POM121C: variants seen among roughly 807,000 people sequenced by gnomAD.
POM121C encodes the protein nuclear envelope pore membrane protein POM 121C.
POM121C carries 20 observed loss-of-function variants against 66.4 expected under a neutral mutation model. That is an observed-to-expected ratio of 0.30 (90% CI 0.21 to 0.44). POM121C has a LOEUF of 0.44. POM121C is among the 20% of genes least tolerant of loss of function. The pLI, the probability that POM121C is intolerant of heterozygous loss-of-function variation, is 1.00. For synonymous variants in POM121C, 286 were observed against 528.0 expected (o/e 0.54, Z 6.28); for missense variants, 580 against 1,225.7 (o/e 0.47, Z 7.87).
At chr7:75,430,373 A>G (rs1430702095) in intron 7 of POM121C, among the ~76,000 whole-genome samples, 2 of 152,214 alleles carry the variant, frequency 1.3e-5, no homozygotes, top group Non-Finnish European at 2.9e-5. Flanking sequence ...ACGGACACTT[A>G]AATTAGACAA....
At chr7:75,461,410 C>A (rs1306982308) in intron 3 of POM121C, among the ~76,000 whole-genome samples, 2 of 152,092 alleles carry the variant, frequency 1.3e-5, no homozygotes, top group African/African-American at 4.8e-5. Flanking sequence ...TTACCAGAAC[C>A]TGGGTCATAA....
chr7:75,469,420 C>T (rs1161481177), intron 3 of POM121C, among the ~76,000 whole-genome samples: 2 of 152,110 alleles, frequency 1.3e-5, no homozygotes, highest in African/African-American at 4.8e-5. Flanking sequence ...AAAATACATC[C>T]TGCATGTGAC....
chr7:75,483,289 CCA>C (rs1299884455), intron 1 of POM121C, among the ~76,000 whole-genome samples: 1 of 152,118 alleles, frequency 6.6e-6, no homozygotes, highest in African/African-American at 2.4e-5. Flanking sequence ...AGAAATTTTT[CCA>C]AGTCCCAGAA....
chr7:75,465,667 C>T (rs587627185), intron 3 of POM121C, among the ~76,000 whole-genome samples: 2 of 150,204 alleles, frequency 1.3e-5, no homozygotes, highest in African/African-American at 2.4e-5. Flanking sequence ...GCAGGAGAGT[C>T]GCTTGTACCT....
At chr7:75,474,596 G>T (rs1235729089) in intron 3 of POM121C, 108 bp downstream of exon 3, 6 of 482,716 alleles carry the variant, frequency 1.2e-5, no homozygotes, top group Non-Finnish European at 1.9e-5. Flanking sequence ...TGATATTTGG[G>T]GGTTGGGAGG....
At chr7:75,458,551 A>C (rs1386301499) in intron 3 of POM121C, among the ~76,000 whole-genome samples, 2 of 152,138 alleles carry the variant, frequency 1.3e-5, no homozygotes, top group Admixed American at 1.3e-4. Flanking sequence ...AAACAAAAAC[A>C]AATTGGCCTC....
rs587630891 is a variant in POM121C, at chr7:75,475,822, A to G, written c.-457-634T>C. On this transcript the variant is annotated intron_variant, in intron 1 of 14. Coordinates refer to ENST00000615331, the MANE Select transcript of POM121C (RefSeq NM_001099415.3). ...AGACAAGGTGCAGAATGATTTAACA[A>G]AAGAGGATCAAATTATTTTAACTTT... Among the ~76,000 whole-genome samples the G allele has an allele frequency of 5.3e-5, 8 of 152,254 alleles. No homozygotes were observed. The South Asian group carries it at 1.5e-3, about 28-fold the overall frequency.
intron 3 of POM121C, among the ~76,000 whole-genome samples, chr7:75,465,406 G>C (rs1791593522): frequency 6.9e-6 from 1 of 145,738 alleles, no homozygotes; most frequent in South Asian, 2.6e-4. Context: ...TGGAGTTCAA[G>C]ACCAGTCTGG....
At chr7:75,428,231 C>A (rs1206097938) in intron 7 of POM121C, among the ~76,000 whole-genome samples, 2 of 152,114 alleles carry the variant, frequency 1.3e-5, no homozygotes, top group African/African-American at 4.8e-5. Flanking sequence ...CCTCCGCCTC[C>A]CTGGTTCAAG....
intron 3 of POM121C, among the ~76,000 whole-genome samples, chr7:75,447,546 G>A (rs1790865533): frequency 1.3e-5 from 2 of 151,076 alleles, no homozygotes; most frequent in Admixed American, 6.6e-5. Flanking sequence ...AGTGCTGAAG[G>A]CAAAAACTGC....
intron 3 of POM121C, among the ~76,000 whole-genome samples, chr7:75,444,265 G>C (rs1445902477): frequency 7.9e-6 from 1 of 126,074 alleles, no homozygotes; most frequent in Non-Finnish European, 1.8e-5. Flanking sequence ...AAAGGGGGGG[G>C]GGGGCGGAGG....
In POM121C at chr7:75,433,394, C is replaced by T. The variant is rs587623749; in HGVS notation, c.480+4121G>A. ...TTTTTGAGATGGAGTCTCGCTCTGT[C>T]GCCCAGGCTGGAGTGTAGTGGCGCG... On this transcript the variant is annotated intron_variant, in intron 7 of 14. Coordinates refer to ENST00000615331, the MANE Select transcript of POM121C (RefSeq NM_001099415.3). Among the ~76,000 whole-genome samples the T allele has an allele frequency of 4.5e-4, 68 of 151,946 alleles. 1 individual carries two copies. Among genetic ancestry groups the T allele is most frequent in the African/African-American group, 1.3e-3 (52 of 41,474 alleles).
chr7:75,421,437 C>T (rs1230981708), intron 13 of POM121C, 72 bp downstream of exon 13: 19 of 1,601,602 alleles, frequency 1.2e-5, no homozygotes, highest in Admixed American at 5.1e-5. Flanking sequence ...ATAAGCTCCC[C>T]GAGACCACAG....
At position 75,418,543 on chromosome 7, in the gene POM121C, A is replaced by C; in HGVS notation, c.*253T>G. ...ACTATGTACAGGTCCTTAGTTCTCCAGCCTCCCCAGTGGAACTGTTCAAGT... is the reference window on the plus strand; with the variant it reads ...ACTATGTACAGGTCCTTAGTTCTCCCGCCTCCCCAGTGGAACTGTTCAAGT... On this transcript the variant is annotated 3_prime_UTR_variant, in exon 15 of 15. Coordinates refer to ENST00000615331, the MANE Select transcript of POM121C (RefSeq NM_001099415.3). 1 of 1,293,060 alleles carries C rather than the reference A, an allele frequency of 7.7e-7. No homozygotes were observed. Among genetic ancestry groups the C allele is most frequent in the South Asian group, 2.0e-5 (1 of 51,040 alleles). The allele number at this position is 1,293,060 out of a possible 1,614,324, so 80.1% of individuals were successfully genotyped here. A position where few individuals can be genotyped will look rare whatever the true frequency, so the allele number is the denominator to read the frequency against.
chr7:75,433,234 C>CCA (rs1790254603), intron 7 of POM121C, among the ~76,000 whole-genome samples: 1 of 44,254 alleles, frequency 2.3e-5, no homozygotes, highest in South Asian at 1.3e-3. Flanking sequence ...GACTCTGTCT[C>CCA]AAAAAAAAAA....
At chr7:75,474,465 A>G (rs1791999392) in intron 3 of POM121C, among the ~76,000 whole-genome samples, 1 of 152,208 alleles carries the variant, frequency 6.6e-6, no homozygotes, top group African/African-American at 2.4e-5. Context: ...AGTGACCGAT[A>G]ATGCTGGAGG....
intron 3 of POM121C, among the ~76,000 whole-genome samples, chr7:75,456,896 C>T (rs1791237610): frequency 6.6e-6 from 1 of 151,084 alleles, no homozygotes; most frequent in Admixed American, 6.6e-5. Context: ...CCTGTAATCC[C>T]AGCACTCTGG....
rs1170965327 is a variant in POM121C at position 75,479,615 on chromosome 7, C to CAAAATAAATAAA, written c.-457-4428_-457-4427insTTTATTTATTTT. Reference sequence around the variant, plus strand: ...TGGGGGACAGAGTGAGACTCTGTCTCTAAATAAATAAATAAATAAATAAAT... The same window carrying CAAAATAAATAAA: ...TGGGGGACAGAGTGAGACTCTGTCTCAAAATAAATAAATAAATAAATAAATAAATAAATAAAT... On this transcript the variant is annotated intron_variant, in intron 1 of 14. Transcript: ENST00000615331. 4.2e-4 allele frequency among the ~76,000 whole-genome samples: 56 copies of CAAAATAAATAAA among 134,608 alleles called. 2 individuals are homozygous for CAAAATAAATAAA. The highest frequency in any genetic ancestry group is 1.5e-3 in the African/African-American group (50 of 32,860). 88.3% of individuals were successfully genotyped at this position (134,608 alleles called of 152,430 possible).
At chr7:75,460,745 C>A (rs1791415936) in intron 3 of POM121C, among the ~76,000 whole-genome samples, 1 of 152,164 alleles carries the variant, frequency 6.6e-6, no homozygotes. Context: ...ATTCCTGAGC[C>A]TGAGTTCCCG....
Sources: allele counts gnomAD v4.1 joint callset (sites outside exome capture counted in the v4.1 genomes callset), GRCh38; gene constraint gnomAD v4.1.1; transcripts MANE v1.5; gene names NCBI Gene and HGNC (gene_info 2026-07-23, HGNC 2026-07-21).